The following SLC30A8 variants were observed in gnomAD, a reference collection of about 807,000 sequenced individuals.
SLC30A8 encodes the protein proton-coupled zinc antiporter SLC30A8.
A neutral mutation model predicts 36.9 loss-of-function variants in SLC30A8; 27 were observed. The ratio of observed to expected loss-of-function variants is 0.73; its 90% CI spans 0.54 to 1.01. The LOEUF is 1.01. Among genes scored for constraint, SLC30A8 ranks in the 50% least tolerant of loss-of-function variants. The probability of loss-of-function intolerance (pLI) is 0.00; values close to 1 mark genes in which losing one functional copy is unlikely to be tolerated. For missense variants in SLC30A8, 439 were observed against 452.0 expected, an observed-to-expected ratio of 0.97 and a Z score of 0.26; for synonymous variants, 164 against 172.4, an observed-to-expected ratio of 0.95 and a Z score of 0.38.
chr8:117,121,355 A>G (rs1470370454), intron 2 of SLC30A8, among the ~76,000 whole-genome samples: 1 of 151,976 alleles, frequency 6.6e-6, no homozygotes, highest in Admixed American at 6.6e-5. Flanking sequence ...TCAGACTAAT[A>G]TAACAAAACA....
chr8:117,096,054 C>A (rs1035332501), intron 2 of SLC30A8, among the ~76,000 whole-genome samples: 101 of 152,270 alleles, frequency 6.6e-4, no homozygotes, highest in East Asian at 3.9e-4. Flanking sequence ...TTTTCATCAT[C>A]TTTCTCTCAC....
At chr8:117,016,049 A>AG (rs1177009606) in intron 1 of SLC30A8, among the ~76,000 whole-genome samples, 1 of 152,178 alleles carries the variant, frequency 6.6e-6, no homozygotes, top group Non-Finnish European at 1.5e-5. Context: ...GTAAGAGAGA[A>AG]GGGGGATAAT....
intron 2 of SLC30A8, among the ~76,000 whole-genome samples, chr8:117,040,945 T>C (rs1817366954): frequency 6.6e-6 from 1 of 151,976 alleles, no homozygotes; most frequent in African/African-American, 2.4e-5. Flanking sequence ...TGGCCCATGA[T>C]GTTGCATTTC....
chr8:117,160,434 T>TGTGTGTGC (rs1333939658), intron 4 of SLC30A8, among the ~76,000 whole-genome samples: 90 of 146,234 alleles, frequency 6.2e-4, no homozygotes, highest in Non-Finnish European at 1.0e-3. Flanking sequence ...TGTGTGTGTG[T>TGTGTGTGC]GCGCGCACAT....
At chr8:117,104,578 C>G (rs1488443409) in intron 2 of SLC30A8, among the ~76,000 whole-genome samples, 1 of 152,088 alleles carries the variant, frequency 6.6e-6, no homozygotes, top group Non-Finnish European at 1.5e-5. Context: ...TTTCTGAGAG[C>G]TCATCAGAAT....
At chr8:117,131,613 G>A (rs938916102), upstream of SLC30A8, among the ~76,000 whole-genome samples, 1 of 151,958 alleles carries the variant, frequency 6.6e-6, no homozygotes, top group Non-Finnish European at 1.5e-5. Flanking sequence ...GAAGTCCCCA[G>A]ATCTTCCTTT....
chr8:117,021,916 C>T (rs1449206280), intron 1 of SLC30A8, among the ~76,000 whole-genome samples: 1 of 151,898 alleles, frequency 6.6e-6, no homozygotes, highest in East Asian at 1.9e-4. Context: ...GAAACATGAC[C>T]TTTTTAAAGA....
At position 117,175,950 on chromosome 8, in the gene SLC30A8, T is replaced by TGAA. The variant is rs1823659759; in HGVS notation, c.*3272_*3274dup. The stretch of plus-strand genomic sequence containing the variant: ...CTCTGAAAGCTTCCGCTTTTATCTT[T>TGAA]GAAGAGCAGAATTGTCACTCCAAGG... On this transcript the variant is annotated 3_prime_UTR_variant, in exon 8 of 8. Coordinates refer to ENST00000456015, the MANE Select transcript of SLC30A8 (RefSeq NM_173851.3). 6.6e-6 allele frequency: 1 copy of TGAA among 152,028 alleles called. No individual in the cohort carries two copies. Among genetic ancestry groups the TGAA allele is most frequent in the South Asian group, 2.1e-4 (1 of 4,836 alleles). 9.4% of individuals were successfully genotyped at this position (152,028 alleles called of 1,614,324 possible). A position where few individuals can be genotyped will look rare whatever the true frequency, so the allele number is the denominator to read the frequency against.
upstream of SLC30A8, among the ~76,000 whole-genome samples, chr8:116,950,740 TC>T (rs1208512533): frequency 2.0e-5 from 3 of 152,172 alleles, no homozygotes; most frequent in African/African-American, 4.8e-5. Flanking sequence ...AAGAAATATC[TC>T]AAGATTTTAA....
rs1342297448 is a variant in SLC30A8 at position 117,172,928 on chromosome 8, G to A, written c.*247G>A. The A allele has an allele frequency of 1.3e-5, 6 of 471,654 alleles. No individual in the cohort carries two copies. In the Admixed American group the frequency reaches 2.3e-4, roughly 18 times the overall value. The allele number at this position is 471,654 out of a possible 1,614,324, so 29.2% of individuals were successfully genotyped here. ...AGGAATGTGTATATAGATTATTCCTGAGTGGAGCCGAAGTAACAGCTGTTT... is the reference window on the plus strand; with the variant it reads ...AGGAATGTGTATATAGATTATTCCTAAGTGGAGCCGAAGTAACAGCTGTTT... On this transcript the variant is annotated 3_prime_UTR_variant, in exon 8 of 8. Transcript: ENST00000456015.
At chr8:116,962,917 C>G (rs1814476462) in intron 1 of SLC30A8, among the ~76,000 whole-genome samples, 1 of 151,878 alleles carries the variant, frequency 6.6e-6, no homozygotes, top group South Asian at 2.1e-4. Context: ...AAGCAGGGTA[C>G]AAGGCAGAGT....
chr8:116,953,292 T>G (rs533709915), intron 1 of SLC30A8, among the ~76,000 whole-genome samples: 1 of 152,320 alleles, frequency 6.6e-6, no homozygotes, highest in Non-Finnish European at 1.5e-5. Context: ...GCATCAAGGT[T>G]GATTCCATTT....
intron 1 of SLC30A8, among the ~76,000 whole-genome samples, chr8:116,982,067 T>C (rs1815286655): frequency 1.3e-5 from 2 of 152,192 alleles, no homozygotes; most frequent in African/African-American, 4.8e-5. Flanking sequence ...CTCTGCAACC[T>C]TGCCAGAATC....
At chr8:117,149,480 G>A (rs549667060) in intron 2 of SLC30A8, among the ~76,000 whole-genome samples, 5 of 152,136 alleles carry the variant, frequency 3.3e-5, no homozygotes, top group Admixed American at 1.3e-4. Flanking sequence ...GGAACTAGAA[G>A]CACAAAGGCT....
rs952711067 is a variant in SLC30A8, at chr8:116,978,924, CTTTT to C, written c.-266+27809_-266+27812del. ...AGGGCTGTATCTTTTTTTTTTCTTT[CTTTT>C]TTTCTTTTTTTTTTAAATCATAAGG... On this transcript the variant is annotated intron_variant, in intron 1 of 10. Coordinates refer to the SLC30A8 transcript ENST00000427715. 2.7e-5 allele frequency among the ~76,000 whole-genome samples: 4 copies of C among 149,940 alleles called. No homozygotes were observed. The South Asian group carries it at 6.3e-4, about 24-fold the overall frequency.
chr8:117,157,934 G>A lies in SLC30A8; in HGVS notation c.572+90G>A, dbSNP rs1478520496. On this transcript the variant is annotated intron_variant, in intron 4 of 7. Transcript: ENST00000456015. Reference sequence around the variant, plus strand: ...CGACCTTTTAAAAAACTCAGTACATGTGAAGATGGTAGAGACTGGACAGAG... The same window carrying A: ...CGACCTTTTAAAAAACTCAGTACATATGAAGATGGTAGAGACTGGACAGAG... 5 of 1,413,420 alleles carry A rather than the reference G, an allele frequency of 3.5e-6. No individual in the cohort carries two copies. In the African/African-American group the frequency reaches 5.7e-5, roughly 16 times the overall value. The allele number at this position is 1,413,420 out of a possible 1,614,324, so 87.6% of individuals were successfully genotyped here. A position where few individuals can be genotyped will look rare whatever the true frequency, so the allele number is the denominator to read the frequency against.
chr8:117,145,547 T>G (rs182817314), intron 1 of SLC30A8, among the ~76,000 whole-genome samples: 6 of 152,268 alleles, frequency 3.9e-5, no homozygotes, highest in South Asian at 2.1e-4. Context: ...TTTGTTTGTT[T>G]GTTTGTTATT....
intron 1 of SLC30A8, among the ~76,000 whole-genome samples, chr8:117,139,110 C>T (rs1418618686): frequency 2.0e-5 from 3 of 152,010 alleles, no homozygotes; most frequent in Non-Finnish European, 4.4e-5. Flanking sequence ...GTAAAAAATG[C>T]CCTCTTGGAT....
At chr8:117,049,600 C>T (rs1401130964) in intron 2 of SLC30A8, among the ~76,000 whole-genome samples, 3 of 152,214 alleles carry the variant, frequency 2.0e-5, no homozygotes, top group South Asian at 2.1e-4. Flanking sequence ...AATGTTTTTA[C>T]GAACTGCCAT....
Sources: gnomAD v4.1 joint callset for allele counts (sites outside exome capture counted in the v4.1 genomes callset) on GRCh38, gnomAD v4.1.1 for gene constraint, MANE v1.5 for transcripts, NCBI Gene and HGNC (gene_info 2026-07-23, HGNC 2026-07-21) for gene names.